RANBP1: variants seen among roughly 807,000 people sequenced by gnomAD.
RANBP1 encodes ran-specific GTPase-activating protein.
RANBP1 carries 16 observed loss-of-function variants against 31.4 expected under a neutral mutation model. The observed-to-expected ratio is 0.51, with a 90% CI of 0.34 to 0.77. The LOEUF is 0.77. RANBP1 is among the 30% of genes least tolerant of loss of function. RANBP1 has a pLI of 0.01. For missense variants in RANBP1, 265 were observed against 362.0 expected, an observed-to-expected ratio of 0.73 and a Z score of 2.17; for synonymous variants, 129 against 140.5, an observed-to-expected ratio of 0.92 and a Z score of 0.58.
intron 3 of RANBP1, 63 bp from the exon 4 acceptor site, chr22:20,125,245 G>A (rs1019666270): frequency 5.0e-6 from 8 of 1,600,890 alleles, no homozygotes; most frequent in East Asian, 2.2e-5. Flanking sequence ...CTCTGTGGCC[G>A]AGGGCTGGGT....
intron 2 of RANBP1, among the ~76,000 whole-genome samples, chr22:20,121,017 G>A (rs764161926): frequency 1.3e-5 from 2 of 152,050 alleles, no homozygotes; most frequent in African/African-American, 2.4e-5. Context: ...GCAGTGGCGC[G>A]ATCTTGGCTC....
intron 4 of RANBP1, chr22:20,125,679 C>T (rs917680552): frequency 1.7e-5 from 23 of 1,378,064 alleles, no homozygotes; most frequent in East Asian, 5.9e-5. Flanking sequence ...CCCGCTCAGC[C>T]GCCTTGTGGC....
chr22:20,124,307 T>G (rs2050249920), intron 3 of RANBP1: 2 of 150,214 alleles, frequency 1.3e-5, no homozygotes, highest in African/African-American at 4.9e-5. Context: ...CATGGGCCCT[T>G]GGTAGACAGG....
intron 1 of RANBP1, chr22:20,116,916 G>A (rs929029334): frequency 6.3e-7 from 1 of 1,595,138 alleles, no homozygotes; most frequent in Non-Finnish European, 8.5e-7. Context: ...TCGCCCAGGC[G>A]GTTCTCCGCC....
intron 3 of RANBP1, 75 bp downstream of exon 3, chr22:20,122,496 T>C (rs980200370): frequency 1.2e-6 from 2 of 1,606,120 alleles, no homozygotes; most frequent in East Asian, 2.2e-5. Flanking sequence ...TCAGGGCTGA[T>C]TGGGAACTGG....
intron 1 of RANBP1, chr22:20,117,945 C>G (rs2050079817): frequency 3.0e-6 from 3 of 1,008,008 alleles, no homozygotes; most frequent in Non-Finnish European, 3.5e-6. Flanking sequence ...CCACGCGGGA[C>G]GGCCCCAGCC....
chr22:20,122,580 A>T, intron 3 of RANBP1, 159 bp downstream of exon 3: 1 of 1,540,398 alleles, frequency 6.5e-7, no homozygotes, highest in Non-Finnish European at 8.8e-7. Flanking sequence ...CGTTTTTCAG[A>T]CGTGCCTCTG....
chr22:20,124,199 T>G (rs1038563118), intron 3 of RANBP1: 1 of 152,540 alleles, frequency 6.6e-6, no homozygotes, highest in Non-Finnish European at 1.5e-5. Context: ...AGAGCCTGGG[T>G]CAGGTTGTGG....
intron 5 of RANBP1, 49 bp downstream of exon 5, chr22:20,126,417 A>G (rs777116391): frequency 1.2e-6 from 2 of 1,613,344 alleles, no homozygotes; most frequent in African/African-American, 2.7e-5. Flanking sequence ...CTCACTCTGC[A>G]TCTGACTATA....
chr22:20,117,735 G>T, intron 1 of RANBP1: 1 of 1,091,390 alleles, frequency 9.2e-7, no homozygotes, highest in Non-Finnish European at 1.1e-6. Flanking sequence ...CCACGTGGGC[G>T]GCCCGCGCCG....
Position 20,117,009 on chromosome 22 carries a change from C to G in RANBP1, c.246+579C>G, listed in dbSNP as rs547705317. On this transcript the variant is annotated intron_variant, in intron 1 of 5. Coordinates refer to ENST00000430524, the MANE Select transcript of RANBP1 (RefSeq NM_001278639.2). ...GAAGTGGCCTGTCACAAGGGAAGTG[C>G]TCAGAGGGGAGGTGCTCACAGAGCC... The G allele has an allele frequency of 2.5e-5, 37 of 1,455,466 alleles. No individual in the cohort carries two copies. In the South Asian group the frequency reaches 4.1e-4, roughly 16 times the overall value. The allele number at this position is 1,455,466 out of a possible 1,614,324, so 90.2% of individuals were successfully genotyped here.
chr22:20,118,900 T>G, intron 1 of RANBP1, 113 bp from the exon 2 acceptor site: 1 of 1,134,826 alleles, frequency 8.8e-7, no homozygotes, highest in Non-Finnish European at 1.3e-6. Context: ...GGGCCCATCC[T>G]TGTATCTGAA....
Position 20,125,453 on chromosome 22 carries a change from G to A in RANBP1, c.670+17G>A, listed in dbSNP as rs777597184. The A allele has an allele frequency of 6.3e-7, 1 of 1,592,136 alleles. No individual in the cohort carries two copies. The highest frequency in any genetic ancestry group is 8.6e-7 in the Non-Finnish European group (1 of 1,169,304). The stretch of plus-strand genomic sequence containing the variant: ...ATGCTGAGAGTGAGCCAAGGGCCCT[G>A]GGGACCTGCCTGACTTGGGGCTCAC... On this transcript the variant is annotated intron_variant, in intron 4 of 5. Transcript: ENST00000430524.
At chr22:20,125,590 C>T (rs1170052889) in intron 4 of RANBP1, 154 bp downstream of exon 4, 2 of 1,523,466 alleles carry the variant, frequency 1.3e-6, no homozygotes, top group Non-Finnish European at 8.8e-7. Context: ...TGTTTGGGGG[C>T]CATGCCCAGA....
At chr22:20,123,467 CTG>C (rs2050232531) in intron 3 of RANBP1, among the ~76,000 whole-genome samples, 1 of 41,306 alleles carries the variant, frequency 2.4e-5, no homozygotes, top group Non-Finnish European at 4.7e-5. Flanking sequence ...GGTTTGGTGT[CTG>C]AGGGGGTGCG....
At chr22:20,116,984 G>A in intron 1 of RANBP1, 1 of 1,495,704 alleles carries the variant, frequency 6.7e-7, no homozygotes, top group Non-Finnish European at 9.1e-7. Context: ...TGTCACAAGG[G>A]AAGTGGCCTG....
rs970316658 is a variant in RANBP1 at position 20,117,767 on chromosome 22, C to T, written c.247-1246C>T. ...GCCGCCGCCACCAACCTCCGCCGGC[C>T]TGCAGGCTCGGCCGTCTGCTGGGCC... On this transcript the variant is annotated intron_variant, in intron 1 of 5. Coordinates refer to ENST00000430524, the MANE Select transcript of RANBP1 (RefSeq NM_001278639.2). 10 of 1,067,824 alleles carry T rather than the reference C, an allele frequency of 9.4e-6. No individual in the cohort carries two copies. In the African/African-American group the frequency reaches 1.5e-4, roughly 16 times the overall value. 66.1% of individuals were successfully genotyped at this position (1,067,824 alleles called of 1,614,324 possible).
chr22:20,126,635 G>C, intron 5 of RANBP1: 2 of 1,519,502 alleles, frequency 1.3e-6, no homozygotes, highest in Non-Finnish European at 1.8e-6. Context: ...GCTTTATGAT[G>C]GTCCTCGGTT....
intron 2 of RANBP1, among the ~76,000 whole-genome samples, chr22:20,119,838 C>T (rs182778477): frequency 9.8e-5 from 15 of 152,300 alleles, no homozygotes; most frequent in African/African-American, 3.4e-4. Context: ...CAACATGATG[C>T]TTGCGATAAC....
Sources: allele counts gnomAD v4.1 joint callset (sites outside exome capture counted in the v4.1 genomes callset), GRCh38; gene constraint gnomAD v4.1.1; transcripts MANE v1.5; gene names NCBI Gene and HGNC (gene_info 2026-07-23, HGNC 2026-07-21).